Variants in HS3ST1 observed in about 807,000 individuals in gnomAD.
HS3ST1 encodes heparan sulfate glucosamine 3-O-sulfotransferase 1.
Under a neutral mutation model 20.7 loss-of-function variants are expected in HS3ST1, and 8 were observed. The ratio of observed to expected loss-of-function variants is 0.39; its 90% CI spans 0.23 to 0.70. The LOEUF (loss-of-function observed/expected upper bound fraction) is 0.70, where lower values mean the gene tolerates loss of function less well. Among genes scored for constraint, HS3ST1 ranks in the 30% least tolerant of loss-of-function variants. The pLI is 0.46. For synonymous variants in HS3ST1, 205 were observed against 190.4 expected (o/e 1.08, Z -0.63); for missense variants, 436 against 423.4 (o/e 1.03, Z -0.26).
At chr4:11,419,519 G>C (rs542529927) in intron 1 of HS3ST1, among the ~76,000 whole-genome samples, 60 of 152,224 alleles carry the variant, frequency 3.9e-4, no homozygotes, top group Non-Finnish European at 5.4e-4. Context: ...ACAAATAGCT[G>C]ATGCATGCGG....
intron 1 of HS3ST1, among the ~76,000 whole-genome samples, chr4:11,405,672 G>A (rs1375409921): frequency 6.6e-6 from 1 of 152,058 alleles, no homozygotes; most frequent in Non-Finnish European, 1.5e-5. Flanking sequence ...TGTCTCTAGA[G>A]AGTCAAGCAG....
chr4:11,408,171 T>TA (rs1490318620), intron 1 of HS3ST1, among the ~76,000 whole-genome samples: 4 of 152,194 alleles, frequency 2.6e-5, no homozygotes, highest in African/African-American at 9.7e-5. Context: ...CTTAGCTCTG[T>TA]AACTTGAAAT....
intron 1 of HS3ST1, among the ~76,000 whole-genome samples, chr4:11,427,812 C>A (rs1050923476): frequency 1.5e-4 from 23 of 152,342 alleles, no homozygotes; most frequent in Admixed American, 8.5e-4. Flanking sequence ...CCGGCTTTGG[C>A]TCCAGCTTCT....
intron 1 of HS3ST1, among the ~76,000 whole-genome samples, chr4:11,414,831 C>A (rs1201228794): frequency 6.6e-6 from 1 of 152,160 alleles, no homozygotes; most frequent in Non-Finnish European, 1.5e-5. Context: ...TCCAGGATTT[C>A]TTTCTACAAT....
intron 1 of HS3ST1, among the ~76,000 whole-genome samples, chr4:11,413,817 A>G (rs1345217087): frequency 6.6e-6 from 1 of 152,212 alleles, no homozygotes; most frequent in Admixed American, 6.5e-5. Context: ...TTTTGGTCTT[A>G]TTCATACTTT....
rs375794478 is a variant in HS3ST1 at position 11,423,469 on chromosome 4, A to G, written c.-109+5230T>C. Among the ~76,000 whole-genome samples the G allele has an allele frequency of 9.8e-5, 15 of 152,310 alleles. No individual in the cohort carries two copies. The East Asian group carries it at 2.1e-3, about 22-fold the overall frequency. On this transcript the variant is annotated intron_variant, in intron 1 of 1. Coordinates refer to ENST00000002596, the MANE Select transcript of HS3ST1 (RefSeq NM_005114.4). ...CCTAAGGTTTCTCCCCAGTATCCTG[A>G]TATTTCCTATCACTTTCCTCTAGTT...
At position 11,416,355 on chromosome 4, in the gene HS3ST1, TGTGAAGGGGC is replaced by T. The variant is rs1448961189; in HGVS notation, c.-109+12334_-109+12343del. Reference sequence around the variant, plus strand: ...TATACTCTGGACTAGGCACGAGAGGTGTGAAGGGGCATGAAGGGGCATGACCGTGGTTCTG... The same window carrying T: ...TATACTCTGGACTAGGCACGAGAGGTATGAAGGGGCATGACCGTGGTTCTG... On this transcript the variant is annotated intron_variant, in intron 1 of 1. Transcript: ENST00000002596. Among the ~76,000 whole-genome samples, 5 of 151,940 alleles carry T rather than the reference TGTGAAGGGGC, an allele frequency of 3.3e-5. No homozygotes were observed. The East Asian group carries it at 5.8e-4, about 18-fold the overall frequency.
intron 1 of HS3ST1, among the ~76,000 whole-genome samples, chr4:11,411,759 G>A (rs1302780509): frequency 6.6e-6 from 1 of 152,158 alleles, no homozygotes; most frequent in Non-Finnish European, 1.5e-5. Flanking sequence ...TTTTTAAAAT[G>A]TTATTTATTA....
At chr4:11,406,516 C>T (rs1460048722) in intron 1 of HS3ST1, among the ~76,000 whole-genome samples, 1 of 152,200 alleles carries the variant, frequency 6.6e-6, no homozygotes, top group African/African-American at 2.4e-5. Flanking sequence ...CTTTCATATT[C>T]ATATCTGCCA....
At chr4:11,427,060 G>C (rs1435434551) in intron 1 of HS3ST1, among the ~76,000 whole-genome samples, 1 of 151,606 alleles carries the variant, frequency 6.6e-6, no homozygotes, top group Non-Finnish European at 1.5e-5. Flanking sequence ...CTTTGCTTTA[G>C]AAATGCAGGG....
Position 11,399,916 on chromosome 4 carries a change from A to T in HS3ST1, c.90T>A (p.Leu30=), listed in dbSNP as rs760597797. 4 of 1,604,312 alleles carry T rather than the reference A, an allele frequency of 2.5e-6. No individual in the cohort carries two copies. Among genetic ancestry groups the T allele is most frequent in the Non-Finnish European group, 3.4e-6 (4 of 1,177,356 alleles). Residue 30 remains leucine (L), a synonymous_variant, in exon 2 of 2, where the codon CTT becomes CTA. Coordinates refer to ENST00000002596, the MANE Select transcript of HS3ST1 (RefSeq NM_005114.4). The surrounding 1 kb of genome is among the most constrained non-coding windows in gnomAD (Gnocchi z 5.1). ...CCTGGAGGGTCCCCGCTTTCCGCAG[A>T]AGCTCCTGCTGGCCTAGCTCGGCGG... ...SRPAELGQQE[L]LRKAGTLQDD... is the part of the protein sequence containing the mutation.
rs889561222 is a variant in HS3ST1, at chr4:11,398,565, C to T, written c.*517G>A. On this transcript the variant is annotated 3_prime_UTR_variant, in exon 2 of 2. Coordinates refer to ENST00000002596, the MANE Select transcript of HS3ST1 (RefSeq NM_005114.4). ...ACCTCCAAAAATGACAAGGAATCGCCGAGGAGATAAATCTTACAATCCAAG... is the reference window on the plus strand; with the variant it reads ...ACCTCCAAAAATGACAAGGAATCGCTGAGGAGATAAATCTTACAATCCAAG... 2.6e-5 allele frequency: 4 copies of T among 151,950 alleles called. No individual in the cohort carries two copies. The highest frequency in any genetic ancestry group is 4.8e-5 in the African/African-American group (2 of 41,310). The allele number at this position is 151,950 out of a possible 1,614,324, so 9.4% of individuals were successfully genotyped here. A position where few individuals can be genotyped will look rare whatever the true frequency, so the allele number is the denominator to read the frequency against.
chr4:11,432,341 A>G (rs1261875243), upstream of HS3ST1, among the ~76,000 whole-genome samples: 3 of 152,192 alleles, frequency 2.0e-5, no homozygotes, highest in African/African-American at 7.2e-5. Flanking sequence ...CATGAATATT[A>G]AAGACTCCAG....
In HS3ST1 at chr4:11,393,285, T is replaced by C. The variant is rs777676259; in HGVS notation, c.*5797A>G. 21 of 152,248 alleles carry C rather than the reference T, an allele frequency of 1.4e-4. No homozygotes were observed. Among genetic ancestry groups the C allele is most frequent in the Non-Finnish European group, 2.6e-4 (18 of 68,044 alleles). 9.4% of individuals were successfully genotyped at this position (152,248 alleles called of 1,614,324 possible). ...ATTTAAGTTTGATATTGATGCATTA[T>C]ACTATTTTGGTAGTCCGATAAGCTA... On this transcript the variant is annotated 3_prime_UTR_variant, in exon 2 of 2. Coordinates refer to ENST00000002596, the MANE Select transcript of HS3ST1 (RefSeq NM_005114.4).
At chr4:11,426,747 G>A (rs558898931) in intron 1 of HS3ST1, among the ~76,000 whole-genome samples, 8 of 152,344 alleles carry the variant, frequency 5.3e-5, no homozygotes, top group African/African-American at 1.9e-4. Flanking sequence ...AAACTCAGCT[G>A]AAAGAGTTAG....
In HS3ST1 at chr4:11,399,652, C is replaced by T. The variant is rs1718260351; in HGVS notation, c.354G>A (p.Glu118=). The T allele has an allele frequency of 1.2e-6, 2 of 1,613,862 alleles. No homozygotes were observed. Among genetic ancestry groups the T allele is most frequent in the Admixed American group, 1.7e-5 (1 of 60,010 alleles). Residue 118 remains glutamate (E), a synonymous_variant, in exon 2 of 2, where the codon GAG becomes GAA. Transcript: ENST00000002596. This position sits in a 1 kb window ranked among gnomAD's most constrained non-coding sequence, Gnocchi z 5.1. The part of the protein sequence containing the change: ...PFSWPHQLTV[E]KTPAYFTSPK... ...GCGACGTGAAATACGCGGGGGTCTTCTCCACTGTGAGCTGGTGTGGCCAGG... is the reference window on the plus strand; with the variant it reads ...GCGACGTGAAATACGCGGGGGTCTTTTCCACTGTGAGCTGGTGTGGCCAGG...
At position 11,412,567 on chromosome 4, in the gene HS3ST1, G is replaced by A. The variant is rs145996252; in HGVS notation, c.-108-12454C>T. Among the ~76,000 whole-genome samples the A allele has an allele frequency of 4.3e-3, 656 of 152,292 alleles. 5 individuals are homozygous for A. Among genetic ancestry groups the A allele is most frequent in the Non-Finnish European group, 7.1e-3 (484 of 68,024 alleles). ...CCATATATCAAACTTCTAAGCTGCT[G>A]AGGTCTCCTTGATGGGGAGGGGGAA... On this transcript the variant is annotated intron_variant, in intron 1 of 1. Coordinates refer to ENST00000002596, the MANE Select transcript of HS3ST1 (RefSeq NM_005114.4).
rs1211771903 is a variant in HS3ST1 at position 11,397,039 on chromosome 4, T to G, written c.*2043A>C. The G allele has an allele frequency of 6.6e-6, 1 of 152,252 alleles. No individual in the cohort carries two copies. Among genetic ancestry groups the G allele is most frequent in the Non-Finnish European group, 1.5e-5 (1 of 68,064 alleles). 9.4% of individuals were successfully genotyped at this position (152,252 alleles called of 1,614,324 possible). ...GTCAGAGACTCTCATTGCAGTTTCCTTTCAGTCACCATATTCCTGAACAGG... is the reference window on the plus strand; with the variant it reads ...GTCAGAGACTCTCATTGCAGTTTCCGTTCAGTCACCATATTCCTGAACAGG... On this transcript the variant is annotated 3_prime_UTR_variant, in exon 2 of 2. Coordinates refer to ENST00000002596, the MANE Select transcript of HS3ST1 (RefSeq NM_005114.4).
Position 11,428,025 on chromosome 4 carries a change from A to G in HS3ST1, c.-109+674T>C, listed in dbSNP as rs1484777747. Among the ~76,000 whole-genome samples, 4 of 152,270 alleles carry G rather than the reference A, an allele frequency of 2.6e-5. No homozygotes were observed. The East Asian group carries it at 7.7e-4, about 29-fold the overall frequency. On this transcript the variant is annotated intron_variant, in intron 1 of 1. Transcript: ENST00000002596. ...TCGCACCCCGCCATCCCTCACCTCC[A>G]TCCGCTGCCACTACCCAAGGGCCCG...
Sources: gnomAD v4.1 joint callset for allele counts (sites outside exome capture counted in the v4.1 genomes callset) on GRCh38, gnomAD v4.1.1 for gene constraint, Gnocchi (gnomAD v3.1) non-coding constraint, MANE v1.5 for transcripts, NCBI Gene and HGNC (gene_info 2026-07-23, HGNC 2026-07-21) for gene names.